Variants in GAS7 observed in about 807,000 individuals in gnomAD.
GAS7 encodes the protein growth arrest-specific protein 7.
In GAS7, 28 loss-of-function variants were observed where a neutral mutation model predicts 71.1. That is an observed-to-expected ratio of 0.39 (90% CI 0.29 to 0.54). The LOEUF is 0.54. GAS7 is among the 20% of genes least tolerant of loss of function. GAS7 has a pLI of 0.62. For synonymous variants in GAS7, 258 were observed against 245.8 expected (o/e 1.05, Z -0.46); for missense variants, 436 against 627.8 (o/e 0.69, Z 3.27).
At chr17:10,027,340 G>C (rs1401505671) in intron 1 of GAS7, among the ~76,000 whole-genome samples, 1 of 152,192 alleles carries the variant, frequency 6.6e-6, no homozygotes, top group Non-Finnish European at 1.5e-5. Context: ...AAGCAGACAG[G>C]GAATGGGAGT....
intron 1 of GAS7, among the ~76,000 whole-genome samples, chr17:10,029,959 C>T (rs919220464): frequency 3.9e-5 from 6 of 152,078 alleles, no homozygotes; most frequent in Admixed American, 6.5e-5. Context: ...GGAAACAAAA[C>T]GCTGACCTTC....
At chr17:10,009,671 CA>C (rs373722135) in intron 2 of GAS7, among the ~76,000 whole-genome samples, 17,741 of 78,196 alleles carry the variant, frequency 0.23, 1,031 homozygotes, top group Middle Eastern at 0.29. Flanking sequence ...GACCCCTTCT[CA>C]AAAAAAAAAA....
intron 1 of GAS7, among the ~76,000 whole-genome samples, chr17:10,123,966 A>G (rs1282100778): frequency 6.6e-6 from 1 of 152,130 alleles, no homozygotes; most frequent in Non-Finnish European, 1.5e-5. Context: ...GCCAGGGCCC[A>G]CTCATGCCAG....
intron 1 of GAS7, among the ~76,000 whole-genome samples, chr17:10,115,517 C>T (rs1249955730): frequency 1.3e-5 from 2 of 152,192 alleles, no homozygotes; most frequent in East Asian, 3.9e-4. Context: ...TGCAGCTGTG[C>T]CCCGGGGAAG....
chr17:10,145,590 C>T (rs750220949), intron 1 of GAS7, among the ~76,000 whole-genome samples: 6 of 152,344 alleles, frequency 3.9e-5, no homozygotes, highest in Non-Finnish European at 7.3e-5. Flanking sequence ...CCTGCAGCAG[C>T]AGCAGCCGGA....
intron 1 of GAS7, among the ~76,000 whole-genome samples, chr17:10,134,640 C>T (rs1056546353): frequency 1.3e-5 from 2 of 152,082 alleles, no homozygotes; most frequent in East Asian, 1.9e-4. Flanking sequence ...TGGGGCCTAC[C>T]CCATAAGGGT....
rs1171357194 is a variant in GAS7 at position 9,919,783 on chromosome 17, C to A, written c.1139-78G>T. 12 of 1,059,702 alleles carry A rather than the reference C, an allele frequency of 1.1e-5. No homozygotes were observed. Among genetic ancestry groups the A allele is most frequent in the Non-Finnish European group, 1.6e-5 (11 of 678,232 alleles). 65.6% of individuals were successfully genotyped at this position (1,059,702 alleles called of 1,614,324 possible). On this transcript the variant is annotated intron_variant, in intron 11 of 13. Transcript: ENST00000432992. The surrounding 1 kb of genome is among the most constrained non-coding windows in gnomAD (Gnocchi z 5.0). ...CTGTGCCCCACCCTGAGCCCCACAG[C>A]CAAGCCTTCTCCTCCCCCTGGGGTC...
chr17:9,915,225 T>C lies in GAS7; in HGVS notation c.*2003A>G, dbSNP rs2067551124. 1 of 230,908 alleles carries C rather than the reference T, an allele frequency of 4.3e-6. No homozygotes were observed. The highest frequency in any genetic ancestry group is 5.7e-5 in the Admixed American group (1 of 17,688). 14.3% of individuals were successfully genotyped at this position (230,908 alleles called of 1,614,324 possible). ...AACAGAGGACTCTGGAATCCTCAGA[T>C]GTAATGGAAAAGTCAATGAGCCATA... On this transcript the variant is annotated 3_prime_UTR_variant, in exon 14 of 14. Transcript: ENST00000432992.
At chr17:10,061,476 G>A (rs911230214) in intron 1 of GAS7, 4 of 152,248 alleles carry the variant, frequency 2.6e-5, no homozygotes, top group African/African-American at 9.6e-5. Flanking sequence ...CAGCGCCAGG[G>A]GCGTCCAGCC....
rs34031588 is a variant in GAS7 at position 10,134,836 on chromosome 17, CT to C, written c.183+63371del. On this transcript the variant is annotated intron_variant, in intron 1 of 13. Transcript: ENST00000432992. ...AGTTCTGCACTCATATTTACATCCA[CT>C]TTTTTTTTTTTTTTAAGACAGTCTC... 3.3e-3 allele frequency among the ~76,000 whole-genome samples: 480 copies of C among 144,700 alleles called. 1 individual carries two copies. The highest frequency in any genetic ancestry group is 0.011 in the Middle Eastern group (3 of 272). The allele number at this position is 144,700 out of a possible 152,430, so 94.9% of individuals were successfully genotyped here.
chr17:10,013,207 C>T (rs1055690355), intron 2 of GAS7, among the ~76,000 whole-genome samples: 4 of 152,108 alleles, frequency 2.6e-5, no homozygotes, highest in Non-Finnish European at 5.9e-5. Context: ...AAAGCAGGCC[C>T]ACACCCGACA....
chr17:10,163,369 G>A (rs1005284397), intron 1 of GAS7, among the ~76,000 whole-genome samples: 3 of 151,374 alleles, frequency 2.0e-5, no homozygotes, highest in African/African-American at 4.9e-5. Flanking sequence ...CCAGTGATCC[G>A]CTTGCCTCGG....
At chr17:10,046,395 G>GA (rs199532580) in intron 1 of GAS7, among the ~76,000 whole-genome samples, 14,064 of 136,738 alleles carry the variant, frequency 0.1, 1,510 homozygotes, top group African/African-American at 0.28. Context: ...AGAATCGGAG[G>GA]AAAAAAAAAA....
rs552240790 is a variant in GAS7 at position 10,107,073 on chromosome 17, C to G, written c.184-87176G>C. On this transcript the variant is annotated intron_variant, in intron 1 of 13. Coordinates refer to ENST00000432992, the MANE Select transcript of GAS7 (RefSeq NM_201433.2). The stretch of plus-strand genomic sequence containing the variant: ...TCAAGAGGATGAAAACAGGAAGGAA[C>G]AGATTCTCCTTGGAGCTTCCAGAAG... 3.3e-5 allele frequency among the ~76,000 whole-genome samples: 5 copies of G among 152,298 alleles called. No homozygotes were observed. In the East Asian group the frequency reaches 7.7e-4, roughly 24 times the overall value.
chr17:10,039,436 C>G (rs969905557), intron 1 of GAS7, among the ~76,000 whole-genome samples: 1 of 152,074 alleles, frequency 6.6e-6, no homozygotes, highest in South Asian at 2.1e-4. Flanking sequence ...AATCCCAACA[C>G]TTTGGAAGGC....
intron 9 of GAS7, among the ~76,000 whole-genome samples, chr17:9,930,672 C>G (rs941136171): frequency 6.6e-6 from 1 of 152,180 alleles, no homozygotes; most frequent in African/African-American, 2.4e-5. Context: ...TCTTAAAGAG[C>G]TTTTACCCCT....
rs1244302544 is a variant in GAS7 at position 9,912,680 on chromosome 17, C to T, written c.*4548G>A. The stretch of plus-strand genomic sequence containing the variant: ...CAAAAACCCACCACGCGCCAAAAGG[C>T]GAGTGTGAGCCCTAAGAACAGCTTG... On this transcript the variant is annotated 3_prime_UTR_variant, in exon 14 of 14. Coordinates refer to ENST00000432992, the MANE Select transcript of GAS7 (RefSeq NM_201433.2). The T allele has an allele frequency of 4.3e-6, 1 of 232,574 alleles. No homozygotes were observed. Among genetic ancestry groups the T allele is most frequent in the African/African-American group, 2.2e-5 (1 of 45,386 alleles). The allele number at this position is 232,574 out of a possible 1,614,324, so 14.4% of individuals were successfully genotyped here. A position where few individuals can be genotyped will look rare whatever the true frequency, so the allele number is the denominator to read the frequency against.
At chr17:10,005,283 A>G (rs1438660138) in intron 2 of GAS7, among the ~76,000 whole-genome samples, 1 of 151,726 alleles carries the variant, frequency 6.6e-6, no homozygotes, top group Non-Finnish European at 1.5e-5. Flanking sequence ...ATATGTATAT[A>G]CATGCATACA....
chr17:9,926,530 G>A lies in GAS7; in HGVS notation c.1014+111C>T. 2 of 1,179,266 alleles carry A rather than the reference G, an allele frequency of 1.7e-6. No homozygotes were observed. Among genetic ancestry groups the A allele is most frequent in the Non-Finnish European group, 2.5e-6 (2 of 813,226 alleles). The allele number at this position is 1,179,266 out of a possible 1,614,324, so 73.1% of individuals were successfully genotyped here. On this transcript the variant is annotated intron_variant, in intron 10 of 13. Coordinates refer to ENST00000432992, the MANE Select transcript of GAS7 (RefSeq NM_201433.2). This position sits in a 1 kb window ranked among gnomAD's most constrained non-coding sequence, Gnocchi z 5.0. Reference sequence around the variant, plus strand: ...TGGACATCCCCCTATTCCCCTACCTGGGGACAAAGACTCAGCCTTGGCGTA... The same window carrying A: ...TGGACATCCCCCTATTCCCCTACCTAGGGACAAAGACTCAGCCTTGGCGTA...
Sources: gnomAD v4.1 joint callset for allele counts (sites outside exome capture counted in the v4.1 genomes callset) on GRCh38, gnomAD v4.1.1 for gene constraint, Gnocchi (gnomAD v3.1) non-coding constraint, MANE v1.5 for transcripts, NCBI Gene and HGNC (gene_info 2026-07-23, HGNC 2026-07-21) for gene names.